Variants in TRMT44 observed in about 807,000 individuals in gnomAD.
TRMT44 encodes tRNA methyltransferase 44 homolog, also known as probable tRNA (uracil-O(2)-)-methyltransferase.
In TRMT44, 78 loss-of-function variants were observed where a neutral mutation model predicts 77.3. The ratio of observed to expected loss-of-function variants is 1.01; its 90% confidence interval spans 0.84 to 1.22. The LOEUF (loss-of-function observed/expected upper bound fraction) is 1.22. Among genes scored for constraint, TRMT44 ranks in the 50% most tolerant of loss-of-function variants. The pLI is 0.00. For synonymous variants in TRMT44, 391 were observed against 383.3 expected, an observed-to-expected ratio of 1.02 and a Z score of -0.23; for missense variants, 1,090 against 964.4, an observed-to-expected ratio of 1.13 and a Z score of -1.73.
chr4:8,465,381 T>G lies in TRMT44; in HGVS notation c.1314T>G (p.Ser438=). 5 of 1,609,646 alleles carry G rather than the reference T, an allele frequency of 3.1e-6. No individual in the cohort carries two copies. Among genetic ancestry groups the G allele is most frequent in the Non-Finnish European group, 4.2e-6 (5 of 1,178,258 alleles). ...TGGTTGTTGGTTCTTTTTGAAGGTCTTCCTACAATTGCCGCTTCTTTGTCC... is the reference window on the plus strand; with the variant it reads ...TGGTTGTTGGTTCTTTTTGAAGGTCGTCCTACAATTGCCGCTTCTTTGTCC... The part of the protein sequence containing the change: ...TPWIPVIAAR[S]SYNCRFFVLP... The change falls in exon 8 of 11, where the codon TCT becomes TCG. Residue 438 remains serine, a synonymous_variant. Coordinates refer to ENST00000389737, the MANE Select transcript of TRMT44 (RefSeq NM_152544.3).
intron 10 of TRMT44, chr4:8,473,271 G>C (rs1727143362): frequency 6.6e-6 from 1 of 152,532 alleles, no homozygotes; most frequent in South Asian, 2.1e-4. Context: ...CCTTCCTGAG[G>C]CCGCCAAGGG....
At position 8,492,344 on chromosome 4, in the gene TRMT44, T is replaced by C. The variant is rs561572612; in HGVS notation, n.3892-922T>C. 2.0e-5 allele frequency among the ~76,000 whole-genome samples: 3 copies of C among 152,280 alleles called. No homozygotes were observed. In the East Asian group the frequency reaches 5.8e-4, roughly 29 times the overall value. On this transcript the variant is annotated intron_variant and non_coding_transcript_variant, in intron 2 of 2. Coordinates refer to the TRMT44 transcript ENST00000511366. ...TTTCCTTTCAACATCAAAAACATACTTTTTGCTCTGGCCATGACCGCCGTG... is the reference window on the plus strand; with the variant it reads ...TTTCCTTTCAACATCAAAAACATACCTTTTGCTCTGGCCATGACCGCCGTG...
At chr4:8,494,542 C>T (rs1015233349), downstream of TRMT44, among the ~76,000 whole-genome samples, 10 of 152,336 alleles carry the variant, frequency 6.6e-5, no homozygotes, top group South Asian at 2.1e-4. Context: ...CTACCTGTGA[C>T]GTGGAAGCCC....
rs547977470 is a variant in TRMT44 at position 8,451,071 on chromosome 4, G to T, written c.955-889G>T. Among the ~76,000 whole-genome samples, 22 of 152,148 alleles carry T rather than the reference G, an allele frequency of 1.4e-4. No individual in the cohort carries two copies. The highest frequency in any genetic ancestry group is 2.2e-4 in the Non-Finnish European group (15 of 68,012). ...GCTTGAGCCACTGCCCGGCTTCCAT[G>T]TATTTTTTTAATCAGTCACGTCTTG... On this transcript the variant is annotated intron_variant, in intron 3 of 10. Coordinates refer to ENST00000389737, the MANE Select transcript of TRMT44 (RefSeq NM_152544.3). This position sits in a 1 kb window ranked among gnomAD's most constrained non-coding sequence, Gnocchi z 4.1.
At chr4:8,485,438 G>A (rs888257872) in intron 2 of TRMT44, among the ~76,000 whole-genome samples, 1 of 152,206 alleles carries the variant, frequency 6.6e-6, no homozygotes, top group African/African-American at 2.4e-5. Flanking sequence ...TGTAAGGAGA[G>A]TTTATAGGTT....
At chr4:8,455,336 A>C (rs1725737099) in intron 6 of TRMT44, among the ~76,000 whole-genome samples, 1 of 152,202 alleles carries the variant, frequency 6.6e-6, no homozygotes, top group Non-Finnish European at 1.5e-5. Flanking sequence ...GCCTCTGAGA[A>C]GGCTTCTTGG....
Position 8,440,959 on chromosome 4 carries a change from G to A in TRMT44, c.137G>A (p.Arg46His). The A allele has an allele frequency of 6.5e-7, 1 of 1,528,836 alleles. No individual in the cohort carries two copies. Among genetic ancestry groups the A allele is most frequent in the Non-Finnish European group, 8.7e-7 (1 of 1,144,850 alleles). The allele number at this position is 1,528,836 out of a possible 1,614,324, so 94.7% of individuals were successfully genotyped here. A position where few individuals can be genotyped will look rare whatever the true frequency, so the allele number is the denominator to read the frequency against. The change falls in exon 1 of 11, where the codon CGC (arginine) becomes CAC (histidine). Residue 46 changes from arginine to histidine, a missense_variant. Transcript: ENST00000389737. The part of the protein sequence containing the change: ...KRLCGARLEA[R>H]WSAALPCAEA... ...CTTTGCGGCGCCCGCCTGGAGGCCCGCTGGAGCGCCGCCCTGCCCTGCGCG... is the reference window on the plus strand; with the variant it reads ...CTTTGCGGCGCCCGCCTGGAGGCCCACTGGAGCGCCGCCCTGCCCTGCGCG...
chr4:8,441,608 G>A (rs1408711997), intron 1 of TRMT44, among the ~76,000 whole-genome samples, 167 bp downstream of exon 1: 2 of 152,226 alleles, frequency 1.3e-5, no homozygotes, highest in East Asian at 1.9e-4. Context: ...TGTGTCCTTA[G>A]TACAGAAGAT....
rs547103721 is a variant in TRMT44 at position 8,490,935 on chromosome 4, T to A, written n.3892-2331T>A. On this transcript the variant is annotated intron_variant and non_coding_transcript_variant, in intron 2 of 2. Coordinates refer to the TRMT44 transcript ENST00000511366. ...CATCAGATTAGTTAGATACAGAGTATCGACACAAAGGTTCTCCGAGGCCCC... is the reference window on the plus strand; with the variant it reads ...CATCAGATTAGTTAGATACAGAGTAACGACACAAAGGTTCTCCGAGGCCCC... Among the ~76,000 whole-genome samples, 98 of 152,216 alleles carry A rather than the reference T, an allele frequency of 6.4e-4. 1 individual carries two copies. The highest frequency in any genetic ancestry group is 2.2e-3 in the African/African-American group (90 of 41,508).
rs1415830644 is a variant in TRMT44 at position 8,440,991 on chromosome 4, C to G, written c.169C>G (p.Arg57Gly). The part of the protein sequence containing the change: ...WSAALPCAEA[R>G]GPGTSAGSEQ... ...CGCCGCCCTGCCCTGCGCGGAGGCCCGCGGCCCCGGGACTAGCGCAGGCTC... is the reference window on the plus strand; with the variant it reads ...CGCCGCCCTGCCCTGCGCGGAGGCCGGCGGCCCCGGGACTAGCGCAGGCTC... Residue 57 changes from arginine (R) to glycine (G), a missense_variant, in exon 1 of 11, where the codon CGC becomes GGC. Physicochemically the swap from Arg to Gly is moderately radical, Grantham distance 125 (BLOSUM62 -2). Transcript: ENST00000389737. The G allele has an allele frequency of 7.9e-6, 12 of 1,521,826 alleles. No individual in the cohort carries two copies. Among genetic ancestry groups the G allele is most frequent in the Non-Finnish European group, 1.1e-5 (12 of 1,141,612 alleles). 94.3% of individuals were successfully genotyped at this position (1,521,826 alleles called of 1,614,324 possible).
Position 8,441,068 on chromosome 4 carries a change from C to G in TRMT44, c.246C>G (p.Gly82=), listed in dbSNP as rs928501910. The G allele has an allele frequency of 3.0e-5, 44 of 1,487,558 alleles. No individual in the cohort carries two copies. In the African/African-American group the frequency reaches 6.0e-4, roughly 20 times the overall value. 92.1% of individuals were successfully genotyped at this position (1,487,558 alleles called of 1,614,324 possible). The change falls in exon 1 of 11, where the codon GGC becomes GGG. Residue 82 remains glycine (G), a synonymous_variant. Transcript: ENST00000389737. ...CCGGCCAGGGTTCCCCCGGAGGGGGCCCGGGTCCCAGGTCGCTATCAGGAC... is the reference window on the plus strand; with the variant it reads ...CCGGCCAGGGTTCCCCCGGAGGGGGGCCGGGTCCCAGGTCGCTATCAGGAC... ...PGPGQGSPGG[G]PGPRSLSGPE... is the part of the protein sequence containing the mutation.
In TRMT44 at chr4:8,441,123, G is replaced by A; in HGVS notation, c.301G>A (p.Glu101Lys). The part of the protein sequence containing the change: ...PEQGTACCEL[E>K]EAQGQCQQEE... ...GCAGGGCACGGCATGTTGCGAACTT[G>A]AGGAGGCCCAGGGCCAGTGCCAGCA... The change falls in exon 1 of 11, where the codon GAG (glutamate) becomes AAG (lysine). Residue 101 changes from glutamate to lysine, a missense_variant. Coordinates refer to ENST00000389737, the MANE Select transcript of TRMT44 (RefSeq NM_152544.3). 1 of 1,518,778 alleles carries A rather than the reference G, an allele frequency of 6.6e-7. No individual in the cohort carries two copies. Among genetic ancestry groups the A allele is most frequent in the Non-Finnish European group, 8.8e-7 (1 of 1,135,944 alleles). The allele number at this position is 1,518,778 out of a possible 1,614,324, so 94.1% of individuals were successfully genotyped here. A position where few individuals can be genotyped will look rare whatever the true frequency, so the allele number is the denominator to read the frequency against.
the TRMT44 span, chr4:8,509,259 G>A: frequency 6.6e-6 from 1 of 152,560 alleles, no homozygotes; most frequent in South Asian, 2.1e-4. Flanking sequence ...GCAGAAAGTG[G>A]CACTGATCCC....
the TRMT44 span, among the ~76,000 whole-genome samples, chr4:8,516,287 G>A: frequency 8.5e-5 from 13 of 152,114 alleles, no homozygotes; most frequent in East Asian, 1.9e-4. Context: ...CACTGGGAAC[G>A]TGTTTTCCCC....
the TRMT44 span, chr4:8,506,959 T>C: frequency 6.5e-6 from 1 of 152,710 alleles, no homozygotes; most frequent in Non-Finnish European, 1.5e-5. Flanking sequence ...AATTGTGGAA[T>C]TGTCATCAGA....
the TRMT44 span, among the ~76,000 whole-genome samples, chr4:8,516,422 G>A: frequency 1.3e-5 from 2 of 152,126 alleles, no homozygotes; most frequent in Non-Finnish European, 1.5e-5. Flanking sequence ...TCCCTTCCCT[G>A]ACCTGACCAA....
chr4:8,441,616 G>C (rs1724707288), intron 1 of TRMT44, among the ~76,000 whole-genome samples, 175 bp downstream of exon 1: 1 of 152,200 alleles, frequency 6.6e-6, no homozygotes, highest in African/African-American at 2.4e-5. Flanking sequence ...TAGTACAGAA[G>C]ATGGGATAAT....
downstream of TRMT44, among the ~76,000 whole-genome samples, chr4:8,496,258 C>A (rs879653752): frequency 6.6e-6 from 1 of 152,208 alleles, no homozygotes; most frequent in Non-Finnish European, 1.5e-5. Flanking sequence ...TAAAATAAAT[C>A]TCTGCTTTTA....
At chr4:8,483,906 T>C (rs1483325181) in intron 2 of TRMT44, among the ~76,000 whole-genome samples, 1 of 152,172 alleles carries the variant, frequency 6.6e-6, no homozygotes, top group Non-Finnish European at 1.5e-5. Flanking sequence ...ACTCAGGGCA[T>C]GTTGAGTAAA....
Sources: allele counts gnomAD v4.1 joint callset (sites outside exome capture counted in the v4.1 genomes callset), GRCh38; gene constraint gnomAD v4.1.1; non-coding constraint Gnocchi (gnomAD v3.1); transcripts MANE v1.5; gene names NCBI Gene and HGNC (gene_info 2026-07-23, HGNC 2026-07-21).